Variants in SIPA1L2 observed in about 807,000 individuals in gnomAD.
SIPA1L2 encodes signal induced proliferation associated 1 like 2.
A neutral mutation model predicts 163.9 loss-of-function variants in SIPA1L2; 56 were observed. The ratio of observed to expected loss-of-function variants is 0.34; its 90% CI spans 0.28 to 0.43. SIPA1L2 has a LOEUF of 0.43. SIPA1L2 is among the 20% of genes least tolerant of loss of function. The pLI is 1.00. For synonymous variants in SIPA1L2, 877 were observed against 865.7 expected, an observed-to-expected ratio of 1.01 and a Z score of -0.23; for missense variants, 1,974 against 2,193.5, an observed-to-expected ratio of 0.90 and a Z score of 2.00.
In SIPA1L2 at chr1:232,572,674, T is replaced by C. The variant is rs868497110; in HGVS notation, c.-270+1500A>G. The stretch of plus-strand genomic sequence containing the variant: ...TTATCGTCAAATACATATATATATA[T>C]ATACACACACATATACATACATATA... On this transcript the variant is annotated intron_variant, in intron 2 of 22. Transcript: ENST00000674635. Among the ~76,000 whole-genome samples the C allele has an allele frequency of 8.9e-5, 10 of 112,212 alleles. No individual in the cohort carries two copies. The Middle Eastern group carries it at 0.019, about 208-fold the overall frequency. The allele number at this position is 112,212 out of a possible 152,430, so 73.6% of individuals were successfully genotyped here.
intron 2 of SIPA1L2, among the ~76,000 whole-genome samples, chr1:232,550,641 T>A (rs910675329): frequency 1.3e-5 from 2 of 152,170 alleles, no homozygotes; most frequent in African/African-American, 4.8e-5. Flanking sequence ...AGCAGCAACG[T>A]TTAATCTCAC....
chr1:232,566,998 CAGAAGCAAAATA>C (rs1389582085), intron 2 of SIPA1L2, among the ~76,000 whole-genome samples: 1 of 152,162 alleles, frequency 6.6e-6, no homozygotes, highest in Non-Finnish European at 1.5e-5. Flanking sequence ...TAACTGCCTA[CAGAAGCAAAATA>C]AGACCACATT....
intron 22 of SIPA1L2, among the ~76,000 whole-genome samples, chr1:232,401,361 T>C (rs1365076220): frequency 1.3e-5 from 2 of 152,178 alleles, no homozygotes; most frequent in Non-Finnish European, 2.9e-5. Context: ...CGCTTTAATT[T>C]ATGCTCCAAA....
intron 2 of SIPA1L2, among the ~76,000 whole-genome samples, chr1:232,528,665 C>A (rs1667834219): frequency 6.6e-6 from 1 of 152,258 alleles, no homozygotes; most frequent in Middle Eastern, 3.4e-3. Flanking sequence ...ACTGGTGAGA[C>A]CCATGCACAG....
chr1:232,527,608 C>A (rs932161618), intron 2 of SIPA1L2, among the ~76,000 whole-genome samples: 10 of 151,288 alleles, frequency 6.6e-5, no homozygotes, highest in Admixed American at 6.6e-4. Context: ...AAGTTCATAA[C>A]ACTAAAGATC....
chr1:232,564,279 TGTA>T, intron 2 of SIPA1L2, among the ~76,000 whole-genome samples: 1 of 106,484 alleles, frequency 9.4e-6, no homozygotes, highest in South Asian at 3.1e-4. Context: ...TGTGTGTGTG[TGTA>T]TGATGGAGTT....
Position 232,413,007 on chromosome 1 carries a change from G to A in SIPA1L2, c.4762+2487C>T, listed in dbSNP as rs187929945. On this transcript the variant is annotated intron_variant, in intron 19 of 22. Transcript: ENST00000674635. Reference sequence around the variant, plus strand: ...AGGCATTCATGTACCTGAGGGCACTGGCTAGGGAGAATTTCCATGTCATAC... The same window carrying A: ...AGGCATTCATGTACCTGAGGGCACTAGCTAGGGAGAATTTCCATGTCATAC... 1.1e-3 allele frequency among the ~76,000 whole-genome samples: 165 copies of A among 152,284 alleles called. 2 individuals are homozygous for A. Among genetic ancestry groups the A allele is most frequent in the African/African-American group, 3.7e-3 (152 of 41,550 alleles).
At chr1:232,456,781 C>A (rs903527538) in intron 10 of SIPA1L2, among the ~76,000 whole-genome samples, 1 of 152,184 alleles carries the variant, frequency 6.6e-6, no homozygotes, top group Non-Finnish European at 1.5e-5. Flanking sequence ...AGCAACTCTT[C>A]ATCTTTGCCA....
At chr1:232,590,724 G>GAA (rs61412819) in intron 1 of SIPA1L2, among the ~76,000 whole-genome samples, 21 of 150,738 alleles carry the variant, frequency 1.4e-4, no homozygotes, top group South Asian at 6.3e-4. Flanking sequence ...ACAAAAAAAG[G>GAA]AAAAAAAAAA....
chr1:232,450,478 A>G (rs1663507112), intron 10 of SIPA1L2, among the ~76,000 whole-genome samples: 1 of 152,240 alleles, frequency 6.6e-6, no homozygotes, highest in Admixed American at 6.5e-5. Context: ...ACTCAAATCG[A>G]TGCTCTAAGC....
chr1:232,575,197 T>C (rs1660014617), intron 1 of SIPA1L2, among the ~76,000 whole-genome samples: 1 of 152,210 alleles, frequency 6.6e-6, no homozygotes, highest in South Asian at 2.1e-4. Context: ...AACATGGGTT[T>C]ATGAAGCCAG....
At chr1:232,594,264 G>A (rs1231591382) in intron 1 of SIPA1L2, among the ~76,000 whole-genome samples, 1 of 152,210 alleles carries the variant, frequency 6.6e-6, no homozygotes, top group African/African-American at 2.4e-5. Flanking sequence ...TGCCACCAGA[G>A]GGGAAAGGAG....
chr1:232,414,983 T>A (rs1398685642), intron 19 of SIPA1L2, among the ~76,000 whole-genome samples: 1 of 152,186 alleles, frequency 6.6e-6, no homozygotes, highest in Non-Finnish European at 1.5e-5. Context: ...CTGACCCACA[T>A]TTTAAGAGGA....
At chr1:232,462,474 G>A in intron 9 of SIPA1L2, 1 of 990,520 alleles carries the variant, frequency 1.0e-6, no homozygotes, top group African/African-American at 1.6e-5. Flanking sequence ...TGTTTCCATG[G>A]TTACCACAAG....
intron 2 of SIPA1L2, among the ~76,000 whole-genome samples, chr1:232,547,451 T>C (rs1658096355): frequency 6.6e-6 from 1 of 151,690 alleles, no homozygotes; most frequent in Admixed American, 6.6e-5. Context: ...TTCATTCTAT[T>C]CAAGCAAATG....
intron 1 of SIPA1L2, among the ~76,000 whole-genome samples, 188 bp from the exon 2 acceptor site, chr1:232,574,410 A>G (rs531386338): frequency 6.6e-6 from 1 of 151,936 alleles, no homozygotes; most frequent in African/African-American, 2.4e-5. Context: ...CCAGAGGTTG[A>G]GGAACATACG....
intron 2 of SIPA1L2, among the ~76,000 whole-genome samples, chr1:232,561,983 C>T (rs1440749134): frequency 6.6e-6 from 1 of 152,152 alleles, no homozygotes; most frequent in Admixed American, 6.5e-5. Context: ...CTGATGGGTC[C>T]CACCGCGCCA....
chr1:232,612,252 T>C (rs1205825123), intron 1 of SIPA1L2, among the ~76,000 whole-genome samples: 2 of 152,080 alleles, frequency 1.3e-5, no homozygotes, highest in East Asian at 1.9e-4. Flanking sequence ...GCTAGGGCAG[T>C]GTAAAAGGGA....
chr1:232,523,397 G>C (rs981628977), intron 2 of SIPA1L2, among the ~76,000 whole-genome samples: 4 of 152,114 alleles, frequency 2.6e-5, no homozygotes, highest in African/African-American at 7.2e-5. Flanking sequence ...CATCTTTTCA[G>C]CAATGTGACC....
Sources: gnomAD v4.1 joint callset for allele counts (sites outside exome capture counted in the v4.1 genomes callset) on GRCh38, gnomAD v4.1.1 for gene constraint, MANE v1.5 for transcripts, NCBI Gene and HGNC (gene_info 2026-07-23, HGNC 2026-07-21) for gene names.